The following ITGA8 variants were observed in gnomAD, a reference collection of about 807,000 sequenced individuals.
ITGA8 encodes integrin subunit alpha 8.
Under a neutral mutation model 142.3 loss-of-function variants are expected in ITGA8, and 91 were observed. The observed-to-expected ratio is 0.64, with a 90% CI of 0.54 to 0.76. The LOEUF is 0.76. Among genes scored for constraint, ITGA8 ranks in the 30% least tolerant of loss-of-function variants. The pLI, the probability that ITGA8 is intolerant of heterozygous loss-of-function variation, is 0.00. For missense variants in ITGA8, 1,406 were observed against 1,327.7 expected (o/e 1.06, Z -0.92); for synonymous variants, 505 against 485.2 (o/e 1.04, Z -0.54).
At chr10:15,648,534 GAT>G (rs1206531032) in intron 11 of ITGA8, among the ~76,000 whole-genome samples, 2 of 150,318 alleles carry the variant, frequency 1.3e-5, no homozygotes, top group Admixed American at 6.6e-5. Context: ...CAAAAATTAA[GAT>G]ATATCAATAA....
intron 27 of ITGA8, among the ~76,000 whole-genome samples, chr10:15,534,572 A>C (rs995130126): frequency 1.3e-5 from 2 of 152,192 alleles, no homozygotes; most frequent in African/African-American, 4.8e-5. Context: ...TGTACCATCC[A>C]TTTGATGGCA....
At chr10:15,717,404 A>G (rs1268858849) in intron 2 of ITGA8, among the ~76,000 whole-genome samples, 1 of 152,144 alleles carries the variant, frequency 6.6e-6, no homozygotes, top group African/African-American at 2.4e-5. Flanking sequence ...TAAATGTTTA[A>G]TTCTTTTGGT....
intron 22 of ITGA8, among the ~76,000 whole-genome samples, chr10:15,588,733 A>G (rs147272205): frequency 3.3e-4 from 50 of 152,312 alleles, no homozygotes; most frequent in African/African-American, 1.2e-3. Context: ...AGTGGTTTCA[A>G]TAACACAGTT....
chr10:15,614,704 C>G (rs1481446914), intron 14 of ITGA8, among the ~76,000 whole-genome samples: 1 of 152,166 alleles, frequency 6.6e-6, no homozygotes, highest in Admixed American at 6.5e-5. Flanking sequence ...TTCCCCCCAA[C>G]AAGAAGAAGG....
At chr10:15,710,176 C>T (rs1205523772) in intron 2 of ITGA8, among the ~76,000 whole-genome samples, 1 of 152,054 alleles carries the variant, frequency 6.6e-6, no homozygotes, top group East Asian at 1.9e-4. Context: ...ATCACATTTC[C>T]CAAAGATAGT....
intron 13 of ITGA8, among the ~76,000 whole-genome samples, chr10:15,629,922 A>C (rs1412284791): frequency 6.6e-6 from 1 of 152,038 alleles, no homozygotes; most frequent in Non-Finnish European, 1.5e-5. Context: ...AGCAAGACTT[A>C]AACAAACAAC....
At chr10:15,610,623 G>T (rs1159500321) in intron 15 of ITGA8, among the ~76,000 whole-genome samples, 2 of 152,172 alleles carry the variant, frequency 1.3e-5, no homozygotes, top group Non-Finnish European at 2.9e-5. Flanking sequence ...ATCTTCTGAG[G>T]CTAGTCCCAA....
chr10:15,614,116 A>G (rs1833351638), intron 14 of ITGA8, among the ~76,000 whole-genome samples: 1 of 152,196 alleles, frequency 6.6e-6, no homozygotes, highest in African/African-American at 2.4e-5. Context: ...GCATATCTAC[A>G]TCTGTATCTG....
intron 8 of ITGA8, among the ~76,000 whole-genome samples, chr10:15,670,799 A>C (rs533801093): frequency 1.3e-5 from 2 of 152,334 alleles, no homozygotes; most frequent in East Asian, 3.9e-4. Flanking sequence ...CATGACCCGT[A>C]AAACCGGACA....
intron 23 of ITGA8, among the ~76,000 whole-genome samples, chr10:15,577,647 G>C (rs1834325416): frequency 6.6e-6 from 1 of 151,966 alleles, no homozygotes; most frequent in Admixed American, 6.6e-5. Context: ...GGAAACCATG[G>C]TAAACAATGG....
At chr10:15,586,926 CTT>C (rs59409474) in intron 22 of ITGA8, among the ~76,000 whole-genome samples, 15 of 144,168 alleles carry the variant, frequency 1.0e-4, no homozygotes, top group Admixed American at 1.4e-4. Context: ...GAAACTAACA[CTT>C]TTTTTTTTTT....
At chr10:15,703,007 C>T (rs1835193744) in intron 2 of ITGA8, among the ~76,000 whole-genome samples, 1 of 152,156 alleles carries the variant, frequency 6.6e-6, no homozygotes, top group African/African-American at 2.4e-5. Flanking sequence ...GTGAAATAAA[C>T]TATTCTTTCC....
intron 4 of ITGA8, among the ~76,000 whole-genome samples, chr10:15,683,393 C>T (rs1834778301): frequency 6.7e-6 from 1 of 150,030 alleles, no homozygotes; most frequent in Admixed American, 6.7e-5. Flanking sequence ...GTGATTAAAA[C>T]ACAATGCCCC....
chr10:15,558,703 C>T (rs1833925688), intron 25 of ITGA8, among the ~76,000 whole-genome samples: 1 of 152,138 alleles, frequency 6.6e-6, no homozygotes, highest in Middle Eastern at 3.2e-3. Flanking sequence ...CACGTTCCTG[C>T]ACTCCTTTAG....
intron 13 of ITGA8, among the ~76,000 whole-genome samples, chr10:15,616,918 C>T (rs1209384574): frequency 6.6e-6 from 1 of 152,154 alleles, no homozygotes; most frequent in African/African-American, 2.4e-5. Context: ...AGGCTCATTA[C>T]ACATTTCGTG....
At chr10:15,694,712 T>C (rs1365262226) in intron 2 of ITGA8, among the ~76,000 whole-genome samples, 1 of 142,948 alleles carries the variant, frequency 7.0e-6, no homozygotes, top group Non-Finnish European at 1.5e-5. Flanking sequence ...TGTCGACATA[T>C]GTATTTCTCT....
chr10:15,698,033 A>G (rs762588207), intron 2 of ITGA8, among the ~76,000 whole-genome samples: 7 of 152,144 alleles, frequency 4.6e-5, no homozygotes, highest in African/African-American at 7.2e-5. Flanking sequence ...ACTGTACCCA[A>G]TGTGTAGTCT....
intron 25 of ITGA8, among the ~76,000 whole-genome samples, chr10:15,563,985 G>T (rs180750330): frequency 5.9e-4 from 89 of 151,976 alleles, no homozygotes; most frequent in African/African-American, 2.0e-3. Context: ...GGTTTCATCA[G>T]ATGTATCTTG....
chr10:15,555,745 G>C (rs1193327059), intron 26 of ITGA8, among the ~76,000 whole-genome samples: 2 of 151,652 alleles, frequency 1.3e-5, no homozygotes, highest in African/African-American at 4.8e-5. Flanking sequence ...GCCCAGGCTG[G>C]AGTGCAGTGG....
Sources: gnomAD v4.1 joint callset for allele counts (sites outside exome capture counted in the v4.1 genomes callset) on GRCh38, gnomAD v4.1.1 for gene constraint, MANE v1.5 for transcripts, NCBI Gene and HGNC (gene_info 2026-07-23, HGNC 2026-07-21) for gene names.